BCR: variants seen among roughly 807,000 people sequenced by gnomAD.
BCR encodes BCR activator of RhoGEF and GTPase.
A neutral mutation model predicts 138.6 loss-of-function variants in BCR; 58 were observed. The observed-to-expected ratio is 0.42, with a 90% CI of 0.34 to 0.52. BCR has a LOEUF of 0.52. Among genes scored for constraint, BCR ranks in the 20% least tolerant of loss-of-function variants. The pLI is 0.06. For missense variants in BCR, 1,599 were observed against 1,727.2 expected (o/e 0.93, Z 1.32); for synonymous variants, 786 against 730.1 (o/e 1.08, Z -1.23).
In BCR at chr22:23,249,916, G is replaced by T. The variant is rs189982033; in HGVS notation, c.1280-3883G>T. Among the ~76,000 whole-genome samples, 89 of 152,344 alleles carry T rather than the reference G, an allele frequency of 5.8e-4. 1 individual carries two copies. The highest frequency in any genetic ancestry group is 6.8e-3 in the Middle Eastern group (2 of 294). The stretch of plus-strand genomic sequence containing the variant: ...CAGACATTGATTTGAGATCTCTGCA[G>T]AGGGGGAAACGGCTGGGGTTTCAGC... On this transcript the variant is annotated intron_variant, in intron 1 of 22. Coordinates refer to ENST00000305877, the MANE Select transcript of BCR (RefSeq NM_004327.4).
chr22:23,206,006 C>T (rs556518888), intron 1 of BCR, among the ~76,000 whole-genome samples: 2 of 152,254 alleles, frequency 1.3e-5, no homozygotes, highest in East Asian at 3.9e-4. Context: ...TCCTATAGAA[C>T]CTGTGAGGCA....
In BCR at chr22:23,180,572, GCGGCGGCGGCGGCGGCGGCA is replaced by G. The variant is rs1286902002; in HGVS notation, c.-376_-357del. The stretch of plus-strand genomic sequence containing the variant: ...CTGGCTGAGCTTAGCGTCCGAGGAG[GCGGCGGCGGCGGCGGCGGCA>G]CGGCGGCGGCGGGGCTGTGGGGCGG... On this transcript the variant is annotated 5_prime_UTR_variant, in exon 1 of 23. Coordinates refer to ENST00000305877, the MANE Select transcript of BCR (RefSeq NM_004327.4). The G allele has an allele frequency of 1.2e-3, 48 of 38,476 alleles. 1 individual carries two copies. Among genetic ancestry groups the G allele is most frequent in the African/African-American group, 4.9e-3 (4 of 820 alleles). The allele number at this position is 38,476 out of a possible 1,614,324, so 2.4% of individuals were successfully genotyped here. A position where few individuals can be genotyped will look rare whatever the true frequency, so the allele number is the denominator to read the frequency against.
chr22:23,313,082 G>A (rs2074026345), intron 20 of BCR, 61 bp downstream of exon 20: 16 of 1,532,500 alleles, frequency 1.0e-5, no homozygotes, highest in Admixed American at 1.9e-5. Flanking sequence ...TGCTGCCCTT[G>A]GAGGCTGTGA....
chr22:23,235,118 T>G (rs1337699082), intron 1 of BCR, among the ~76,000 whole-genome samples: 1 of 144,086 alleles, frequency 6.9e-6, no homozygotes, highest in African/African-American at 2.4e-5. Context: ...GTTTTGTTTT[T>G]TTGAGATGGA....
chr22:23,263,382 A>G (rs1436362354), intron 4 of BCR: 3 of 1,255,876 alleles, frequency 2.4e-6, no homozygotes, highest in Admixed American at 3.4e-5. Context: ...GCGGCTCGGC[A>G]CCAACCTGAT....
intron 16 of BCR, among the ~76,000 whole-genome samples, chr22:23,297,946 G>T (rs563722783): frequency 3.3e-5 from 5 of 152,322 alleles, no homozygotes; most frequent in Admixed American, 2.6e-4. Context: ...TGTCAGTCTA[G>T]GGGTGCTGGC....
At chr22:23,210,828 A>G (rs1280866589) in intron 1 of BCR, among the ~76,000 whole-genome samples, 2 of 152,158 alleles carry the variant, frequency 1.3e-5, no homozygotes, top group Admixed American at 1.3e-4. Flanking sequence ...ATTCCTTTTT[A>G]TTACCGAGGA....
At chr22:23,233,765 G>C (rs1215856596) in intron 1 of BCR, among the ~76,000 whole-genome samples, 1 of 150,120 alleles carries the variant, frequency 6.7e-6, no homozygotes, top group African/African-American at 2.5e-5. Context: ...ACGCCAGCCT[G>C]GGTGACAGAG....
At chr22:23,254,661 T>C (rs2073272708) in intron 2 of BCR, 1 of 510,640 alleles carries the variant, frequency 2.0e-6, no homozygotes, top group Non-Finnish European at 3.9e-6. Flanking sequence ...TTCCTCTTGC[T>C]GGTCCCACAG....
chr22:23,263,557 A>G (rs901834812), intron 4 of BCR: 1 of 1,575,044 alleles, frequency 6.3e-7, no homozygotes, highest in East Asian at 2.2e-5. Flanking sequence ...TTCCGTCCAG[A>G]TGGTGCCAGC....
chr22:23,209,162 A>T lies in BCR; in HGVS notation c.1279+26923A>T, dbSNP rs566529875. ...CACCTGAGCTCAGGAGTTCAAGACC[A>T]CCCAGGACAACATCATGAGACCCCA... On this transcript the variant is annotated intron_variant, in intron 1 of 22. Transcript: ENST00000305877. Among the ~76,000 whole-genome samples, 33 of 152,150 alleles carry T rather than the reference A, an allele frequency of 2.2e-4. 1 individual carries two copies. In the Middle Eastern group the frequency reaches 0.017, roughly 78 times the overall value.
chr22:23,233,842 C>T (rs2072990260), intron 1 of BCR, among the ~76,000 whole-genome samples: 1 of 150,854 alleles, frequency 6.6e-6, no homozygotes, highest in Non-Finnish European at 1.5e-5. Flanking sequence ...ATGGTGACTT[C>T]ACCTGCCCAG....
At chr22:23,190,356 C>T (rs559489031) in intron 1 of BCR, among the ~76,000 whole-genome samples, 39 of 152,096 alleles carry the variant, frequency 2.6e-4, no homozygotes, top group Middle Eastern at 3.4e-3. Flanking sequence ...TTAGTAGAGA[C>T]GGGGTTTCAC....
chr22:23,270,110 T>C (rs2073493273), intron 5 of BCR, among the ~76,000 whole-genome samples: 1 of 151,678 alleles, frequency 6.6e-6, no homozygotes, highest in South Asian at 2.1e-4. Flanking sequence ...GAAAGCAGAG[T>C]CAAACGCAAG....
intron 1 of BCR, among the ~76,000 whole-genome samples, chr22:23,224,391 T>C (rs1420328689): frequency 6.6e-6 from 1 of 152,312 alleles, no homozygotes; most frequent in East Asian, 1.9e-4. Flanking sequence ...AGCTCTCACT[T>C]GTGCCTCCAG....
At chr22:23,202,309 G>A (rs2072562321) in intron 1 of BCR, among the ~76,000 whole-genome samples, 1 of 151,798 alleles carries the variant, frequency 6.6e-6, no homozygotes, top group South Asian at 2.1e-4. Flanking sequence ...TAAAAATTAT[G>A]GTGAAATATA....
intron 4 of BCR, chr22:23,263,692 A>C (rs1445678085): frequency 9.3e-6 from 13 of 1,400,050 alleles, no homozygotes; most frequent in Non-Finnish European, 4.1e-6. Context: ...GATTCACAGC[A>C]CCTTCGCTGC....
intron 12 of BCR, 130 bp from the exon 13 acceptor site, chr22:23,289,387 A>G: frequency 1.4e-6 from 1 of 724,674 alleles, no homozygotes; most frequent in Non-Finnish European, 2.4e-6. Flanking sequence ...CCCTCTCCTG[A>G]GCCCCCAAGC....
intron 8 of BCR, among the ~76,000 whole-genome samples, chr22:23,279,664 T>C (rs576428782): frequency 6.6e-6 from 1 of 152,378 alleles, no homozygotes; most frequent in East Asian, 1.9e-4. Flanking sequence ...AGCTGCTATG[T>C]GGGCTTCTTT....
Sources: gnomAD v4.1 joint callset for allele counts (sites outside exome capture counted in the v4.1 genomes callset) on GRCh38, gnomAD v4.1.1 for gene constraint, MANE v1.5 for transcripts, NCBI Gene and HGNC (gene_info 2026-07-23, HGNC 2026-07-21) for gene names.